The following NTM variants were observed in gnomAD, a reference collection of about 807,000 sequenced individuals.
NTM encodes IgLON family member 2.
A neutral mutation model predicts 42.1 loss-of-function variants in NTM; 13 were observed. The observed-to-expected ratio is 0.31, with a 90% CI of 0.20 to 0.49. The LOEUF is 0.49. Ranked by LOEUF, NTM falls within the 20% of genes least tolerant of loss-of-function variation. NTM has a pLI of 0.99. For missense variants in NTM, 373 were observed against 452.8 expected, an observed-to-expected ratio of 0.82 and a Z score of 1.60; for synonymous variants, 187 against 179.2, an observed-to-expected ratio of 1.04 and a Z score of -0.35.
At chr11:131,544,322 G>A (rs960414188) in intron 1 of NTM, among the ~76,000 whole-genome samples, 10 of 152,220 alleles carry the variant, frequency 6.6e-5, no homozygotes, top group African/African-American at 1.4e-4. Flanking sequence ...GTCTCCCTTC[G>A]TCCTCTGGGG....
At chr11:131,439,329 G>T (rs1949410891) in intron 1 of NTM, among the ~76,000 whole-genome samples, 1 of 152,188 alleles carries the variant, frequency 6.6e-6, no homozygotes, top group South Asian at 2.1e-4. Context: ...GAGAACCACT[G>T]CTCTCTTCAG....
At chr11:131,591,092 T>C (rs1355515343) in intron 1 of NTM, among the ~76,000 whole-genome samples, 3 of 152,204 alleles carry the variant, frequency 2.0e-5, no homozygotes, top group African/African-American at 7.2e-5. Context: ...TCAGCAGCAC[T>C]GATTCAGCCA....
intron 1 of NTM, among the ~76,000 whole-genome samples, chr11:131,623,346 G>T (rs2062767629): frequency 6.6e-6 from 1 of 152,200 alleles, no homozygotes; most frequent in African/African-American, 2.4e-5. Context: ...AGAAAGATTT[G>T]CACCCAGTAA....
At chr11:132,182,375 T>A (rs1304243667) in intron 3 of NTM, among the ~76,000 whole-genome samples, 1 of 152,214 alleles carries the variant, frequency 6.6e-6, no homozygotes. Flanking sequence ...ATCACCTGCA[T>A]TTGTATCAAA....
chr11:131,632,767 C>G (rs529738866), intron 1 of NTM, among the ~76,000 whole-genome samples: 2 of 146,064 alleles, frequency 1.4e-5, no homozygotes, highest in Non-Finnish European at 3.0e-5. Context: ...CTCCGCCTCC[C>G]GGGTTCACGC....
At chr11:131,521,435 T>TCG (rs2049700437) in intron 1 of NTM, among the ~76,000 whole-genome samples, 1 of 104,300 alleles carries the variant, frequency 9.6e-6, no homozygotes, top group Admixed American at 1.4e-4. Context: ...GACGGGAGTC[T>TCG]CGCTCTGTCG....
chr11:131,970,557 A>G (rs2063396863), intron 2 of NTM, among the ~76,000 whole-genome samples: 1 of 152,200 alleles, frequency 6.6e-6, no homozygotes, highest in Non-Finnish European at 1.5e-5. Context: ...AGGTACAGTT[A>G]AACTGTGGTC....
rs184893526 is a variant in NTM, at chr11:131,566,180, G to A, written c.82+195292G>A. On this transcript the variant is annotated intron_variant, in intron 1 of 8. Coordinates refer to ENST00000683400, the MANE Select transcript of NTM (RefSeq NM_001352005.2). ...TAATCCTGATAAGATCTATCACGGC[G>A]CTTATGGTGCGAGAAGAAATTAAAC... Among the ~76,000 whole-genome samples the A allele has an allele frequency of 5.3e-5, 8 of 152,138 alleles. No homozygotes were observed. In the East Asian group the frequency reaches 5.8e-4, roughly 11 times the overall value.
intron 1 of NTM, among the ~76,000 whole-genome samples, chr11:131,705,502 G>A (rs577293797): frequency 1.3e-5 from 2 of 152,214 alleles, no homozygotes; most frequent in East Asian, 1.9e-4. Flanking sequence ...GAAATGAAAG[G>A]AGACTAACAA....
intron 1 of NTM, among the ~76,000 whole-genome samples, chr11:131,799,224 G>T (rs756039056): frequency 3.1e-4 from 47 of 152,058 alleles, no homozygotes; most frequent in Admixed American, 1.1e-3. Context: ...CTCTAATTAG[G>T]CTCATCCTAT....
chr11:132,116,033 G>A (rs896278403), intron 2 of NTM, among the ~76,000 whole-genome samples: 9 of 152,284 alleles, frequency 5.9e-5, no homozygotes, highest in African/African-American at 9.6e-5. Context: ...CCTTCTCTGC[G>A]TCTCTCTGAG....
At chr11:131,502,696 A>T (rs2046986992) in intron 1 of NTM, 1 of 152,228 alleles carries the variant, frequency 6.6e-6, no homozygotes, top group Non-Finnish European at 1.5e-5. Flanking sequence ...TGTTGAAGTC[A>T]TCGTCTGTAA....
intron 1 of NTM, among the ~76,000 whole-genome samples, chr11:131,586,181 T>C (rs1471281400): frequency 2.6e-5 from 4 of 152,102 alleles, no homozygotes; most frequent in African/African-American, 7.2e-5. Flanking sequence ...TCACAGTTCA[T>C]TGAAGCCTCA....
intron 3 of NTM, among the ~76,000 whole-genome samples, chr11:132,185,450 G>T (rs892949533): frequency 1.2e-4 from 18 of 152,120 alleles, no homozygotes; most frequent in East Asian, 3.9e-4. Context: ...ACTTTTTCCA[G>T]TACTTGTCTA....
At chr11:132,275,726 G>GTATA (rs1438604193) in intron 4 of NTM, among the ~76,000 whole-genome samples, 1 of 80,968 alleles carries the variant, frequency 1.2e-5, no homozygotes, top group African/African-American at 5.3e-5. Context: ...ATATATATAC[G>GTATA]TATATATACG....
At chr11:131,398,215 T>C (rs1944763434) in intron 1 of NTM, among the ~76,000 whole-genome samples, 1 of 152,204 alleles carries the variant, frequency 6.6e-6, no homozygotes, top group Non-Finnish European at 1.5e-5. Context: ...CAAATCTTCA[T>C]GACTGCAGTT....
chr11:131,527,164 T>C (rs405440), intron 1 of NTM, among the ~76,000 whole-genome samples: 33,414 of 152,076 alleles, frequency 0.22, 3,986 homozygotes, highest in African/African-American at 0.32. Flanking sequence ...CAGAGCTGAC[T>C]AGCTATTCTC....
At chr11:131,680,492 G>GGCGTGT (rs2072348653) in intron 1 of NTM, among the ~76,000 whole-genome samples, 1 of 80,900 alleles carries the variant, frequency 1.2e-5, no homozygotes, top group Non-Finnish European at 2.4e-5. Flanking sequence ...CGTCTGTGTA[G>GGCGTGT]GCATGTGTGC....
intron 1 of NTM, among the ~76,000 whole-genome samples, chr11:131,815,454 G>A (rs983197239): frequency 6.6e-6 from 1 of 152,144 alleles, no homozygotes; most frequent in Non-Finnish European, 1.5e-5. Flanking sequence ...CCTCCCCACA[G>A]CAAGCTTCCA....
Sources: gnomAD v4.1 joint callset for allele counts (sites outside exome capture counted in the v4.1 genomes callset) on GRCh38, gnomAD v4.1.1 for gene constraint, MANE v1.5 for transcripts, NCBI Gene and HGNC (gene_info 2026-07-23, HGNC 2026-07-21) for gene names.